Variants in NELL1 observed in about 807,000 individuals in gnomAD.
The protein encoded by NELL1 is neural EGFL like 1, also known as protein kinase C-binding protein NELL1.
A neutral mutation model predicts 107.4 loss-of-function variants in NELL1; 76 were observed. The observed-to-expected ratio is 0.71, with a 90% CI of 0.59 to 0.86. NELL1 has a LOEUF of 0.86. Ranked by LOEUF, NELL1 falls within the 40% of genes least tolerant of loss-of-function variation. The pLI is 0.00. For synonymous variants in NELL1, 353 were observed against 341.2 expected (o/e 1.03, Z -0.38); for missense variants, 1,024 against 1,005.5 (o/e 1.02, Z -0.25).
intron 2 of NELL1, among the ~76,000 whole-genome samples, chr11:20,710,536 G>A (rs1180635091): frequency 3.3e-5 from 5 of 152,108 alleles, no homozygotes; most frequent in African/African-American, 1.2e-4. Context: ...CCTGGTTTTG[G>A]TATTAGGGTG....
At chr11:21,103,137 A>G (rs1418676127) in intron 12 of NELL1, among the ~76,000 whole-genome samples, 1 of 152,198 alleles carries the variant, frequency 6.6e-6, no homozygotes, top group African/African-American at 2.4e-5. Flanking sequence ...TTCATTAACT[A>G]CCTGCTCATA....
In NELL1 at chr11:21,229,351, C is replaced by T. The variant is rs561513540; in HGVS notation, c.1446C>T (p.Ser482=). ...AAACAGAACACGATGAATGTGGCAG[C>T]GGCCAGCACAACTGTGATGAGAATG... ...FSCTEHDECG[S]GQHNCDENAI... Residue 482 remains serine (S), a synonymous_variant, in exon 14 of 20, where the codon AGC becomes AGT. Transcript: ENST00000357134. 1.4e-4 allele frequency: 225 copies of T among 1,613,924 alleles called. 1 individual carries two copies. The South Asian group carries it at 1.6e-3, about 12-fold the overall frequency.
In NELL1 at chr11:21,335,857, TCAGCC is replaced by T. The variant is rs1038965374; in HGVS notation, c.1550-34988_1550-34984del. ...TTATAAATCATCTCTGTTTGCATGT[TCAGCC>T]CAGCCCAAAAGACAGAGGCAATAGA... On this transcript the variant is annotated intron_variant, in intron 14 of 19. Coordinates refer to ENST00000357134, the MANE Select transcript of NELL1 (RefSeq NM_006157.5). 1.2e-4 allele frequency among the ~76,000 whole-genome samples: 19 copies of T among 152,052 alleles called. 1 individual carries two copies. The highest frequency in any genetic ancestry group is 4.4e-5 in the Non-Finnish European group (3 of 67,942).
rs146459606 is a variant in NELL1 at position 21,042,685 on chromosome 11, G to A, written c.1301-70904G>A. ...TACCTTCTTGTCATCTCTTGGTGGT[G>A]AGAGCCAGTACTTTGCCATACTGAC... On this transcript the variant is annotated intron_variant, in intron 12 of 19. Coordinates refer to ENST00000357134, the MANE Select transcript of NELL1 (RefSeq NM_006157.5). 3.9e-5 allele frequency among the ~76,000 whole-genome samples: 6 copies of A among 152,220 alleles called. No homozygotes were observed. The East Asian group carries it at 1.2e-3, about 29-fold the overall frequency.
chr11:21,161,653 T>C (rs1438107352), intron 13 of NELL1, among the ~76,000 whole-genome samples: 1 of 152,206 alleles, frequency 6.6e-6, no homozygotes, highest in Non-Finnish European at 1.5e-5. Context: ...TTAAAAATTT[T>C]ATTAACCAAA....
At chr11:20,811,846 T>G (rs1255277784) in intron 3 of NELL1, among the ~76,000 whole-genome samples, 3 of 152,112 alleles carry the variant, frequency 2.0e-5, no homozygotes, top group Non-Finnish European at 4.4e-5. Flanking sequence ...TCTCTGAGGT[T>G]TTATATAATA....
intron 12 of NELL1, among the ~76,000 whole-genome samples, chr11:21,077,956 T>C (rs1010787132): frequency 2.6e-5 from 4 of 152,050 alleles, no homozygotes; most frequent in African/African-American, 9.7e-5. Context: ...TATAGATTAG[T>C]AAATTATATA....
intron 15 of NELL1, among the ~76,000 whole-genome samples, chr11:21,510,055 G>A (rs965050720): frequency 6.6e-6 from 1 of 152,180 alleles, no homozygotes; most frequent in African/African-American, 2.4e-5. Context: ...ATACCTGGGG[G>A]CTAAGGCCTA....
chr11:21,222,861 C>G (rs1437171926), intron 13 of NELL1, among the ~76,000 whole-genome samples: 6 of 115,184 alleles, frequency 5.2e-5, no homozygotes, highest in Non-Finnish European at 7.8e-5. Flanking sequence ...TTTCAAAGTT[C>G]CTCTTGGTAT....
At chr11:20,816,060 T>G (rs1361199686) in intron 3 of NELL1, among the ~76,000 whole-genome samples, 1 of 152,188 alleles carries the variant, frequency 6.6e-6, no homozygotes, top group Non-Finnish European at 1.5e-5. Context: ...ACTATAGTCT[T>G]ATAGCATAGT....
intron 15 of NELL1, among the ~76,000 whole-genome samples, chr11:21,403,112 A>G (rs530092562): frequency 1.3e-5 from 2 of 151,926 alleles, no homozygotes; most frequent in Non-Finnish European, 2.9e-5. Context: ...TTGAATGTAC[A>G]GGAAAAGCCA....
intron 14 of NELL1, among the ~76,000 whole-genome samples, chr11:21,304,173 TG>T (rs1239289854): frequency 2.6e-5 from 4 of 152,032 alleles, no homozygotes; most frequent in Non-Finnish European, 4.4e-5. Context: ...ATAATACAAG[TG>T]TCGGGTATTC....
At chr11:21,402,952 C>T (rs1255137575) in intron 15 of NELL1, among the ~76,000 whole-genome samples, 1 of 151,604 alleles carries the variant, frequency 6.6e-6, no homozygotes, top group African/African-American at 2.4e-5. Flanking sequence ...AGCTGACCTC[C>T]TTGATATTGG....
rs199787465 is a variant in NELL1 at position 21,268,497 on chromosome 11, C to T, written c.1549+39043C>T. ...GAAAGGAAATACCCAACTCCAGCCA[C>T]CTCCTAGCCTTCCACATGGGGGAAG... On this transcript the variant is annotated intron_variant, in intron 14 of 19. Coordinates refer to ENST00000357134, the MANE Select transcript of NELL1 (RefSeq NM_006157.5). Among the ~76,000 whole-genome samples the T allele has an allele frequency of 2.0e-5, 3 of 152,136 alleles. No homozygotes were observed. The East Asian group carries it at 5.8e-4, about 29-fold the overall frequency.
chr11:21,441,330 CGTGTGTGTGTGTGTGTGTGTGTGTGT>C (rs201892977), intron 15 of NELL1, among the ~76,000 whole-genome samples: 2 of 140,150 alleles, frequency 1.4e-5, no homozygotes, highest in Non-Finnish European at 3.2e-5. Context: ...GAGGCTGTGA[CGTGTGTGTGTGTGTGTGTGTGTGTGT>C]GTGTGTGTGT....
At chr11:20,715,820 C>T (rs1175982616) in intron 2 of NELL1, among the ~76,000 whole-genome samples, 1 of 152,142 alleles carries the variant, frequency 6.6e-6, no homozygotes, top group African/African-American at 2.4e-5. Flanking sequence ...CTGAATTAAC[C>T]ATGGGGCCAC....
At chr11:21,416,084 A>G (rs908261020) in intron 15 of NELL1, among the ~76,000 whole-genome samples, 1 of 152,024 alleles carries the variant, frequency 6.6e-6, no homozygotes, top group Non-Finnish European at 1.5e-5. Flanking sequence ...TAGGAAGGAA[A>G]TATCTTTCTT....
At chr11:21,147,837 A>AG (rs1856018189) in intron 13 of NELL1, among the ~76,000 whole-genome samples, 1 of 45,606 alleles carries the variant, frequency 2.2e-5, no homozygotes, top group South Asian at 8.8e-4. Flanking sequence ...ACTCCGTCTC[A>AG]AAAAAAAAAA....
In NELL1 at chr11:21,185,575, G is replaced by A. The variant is rs977712130; in HGVS notation, c.1427-43757G>A. On this transcript the variant is annotated intron_variant, in intron 13 of 19. Transcript: ENST00000357134. ...CTCCCAAAGTGCTGGGATTACAGGC[G>A]TGAGCCACTGCACCTGGCCCTATCG... 1.1e-4 allele frequency among the ~76,000 whole-genome samples: 17 copies of A among 151,718 alleles called. 1 individual carries two copies. Among genetic ancestry groups the A allele is most frequent in the African/African-American group, 2.7e-4 (11 of 41,108 alleles).
Sources: gnomAD v4.1 joint callset for allele counts (sites outside exome capture counted in the v4.1 genomes callset) on GRCh38, gnomAD v4.1.1 for gene constraint, MANE v1.5 for transcripts, NCBI Gene and HGNC (gene_info 2026-07-23, HGNC 2026-07-21) for gene names.